GALNT17: variants seen among roughly 807,000 people sequenced by gnomAD.
The protein encoded by GALNT17 is UDP-GalNAc:polypeptide N-acetylgalactosaminyltransferase-like 3.
A neutral mutation model predicts 63.7 loss-of-function variants in GALNT17; 29 were observed. The observed-to-expected ratio is 0.46, with a 90% CI of 0.34 to 0.62. GALNT17 has a LOEUF of 0.62. GALNT17 is among the 20% of genes least tolerant of loss of function. The probability of loss-of-function intolerance (pLI) is 0.01; values close to 1 mark genes in which losing one functional copy is unlikely to be tolerated. For synonymous variants in GALNT17, 305 were observed against 318.3 expected (o/e 0.96, Z 0.45); for missense variants, 603 against 799.6 (o/e 0.75, Z 2.97).
intron 3 of GALNT17, among the ~76,000 whole-genome samples, chr7:71,393,439 A>T (rs1388627836): frequency 6.6e-6 from 1 of 152,204 alleles, no homozygotes; most frequent in Non-Finnish European, 1.5e-5. Flanking sequence ...GCAACTGCTC[A>T]TTCGCCCATG....
At chr7:71,346,537 C>T (rs1204024868) in intron 2 of GALNT17, among the ~76,000 whole-genome samples, 5 of 152,068 alleles carry the variant, frequency 3.3e-5, no homozygotes, top group Admixed American at 3.3e-4. Context: ...AAGCAACCTG[C>T]CTGAGGTCAC....
chr7:71,459,705 T>C (rs1453529419), intron 5 of GALNT17, among the ~76,000 whole-genome samples: 1 of 152,224 alleles, frequency 6.6e-6, no homozygotes, highest in Non-Finnish European at 1.5e-5. Context: ...GGGGGAAAAT[T>C]GCATCTGTAA....
At chr7:71,399,035 C>A (rs1364554660) in intron 3 of GALNT17, among the ~76,000 whole-genome samples, 2 of 151,970 alleles carry the variant, frequency 1.3e-5, no homozygotes, top group Non-Finnish European at 2.9e-5. Context: ...GCATTTGAGA[C>A]CAGCCTGGCC....
chr7:71,258,100 G>A (rs1266664728), intron 1 of GALNT17, among the ~76,000 whole-genome samples: 1 of 152,214 alleles, frequency 6.6e-6, no homozygotes, highest in Admixed American at 6.5e-5. Context: ...CTTAATGGCT[G>A]CCCTTGCACT....
intron 1 of GALNT17, among the ~76,000 whole-genome samples, chr7:71,329,559 G>A (rs1486193610): frequency 1.3e-5 from 2 of 152,032 alleles, no homozygotes; most frequent in Non-Finnish European, 2.9e-5. Context: ...TCCGCAGGCT[G>A]TACAGGAAGC....
intron 5 of GALNT17, among the ~76,000 whole-genome samples, chr7:71,430,370 G>A (rs185036955): frequency 1.7e-4 from 26 of 152,226 alleles, no homozygotes; most frequent in African/African-American, 5.5e-4. Context: ...ACTTTTGCTC[G>A]TAGCTTGAGA....
At chr7:71,615,923 A>C (rs1289331560) in intron 6 of GALNT17, among the ~76,000 whole-genome samples, 2 of 152,122 alleles carry the variant, frequency 1.3e-5, no homozygotes. Flanking sequence ...ATAGCAGGGG[A>C]GGAGGTGTCG....
In GALNT17 at chr7:71,404,489, C is replaced by G. The variant is rs1422431377; in HGVS notation, c.590-11400C>G. Among the ~76,000 whole-genome samples the G allele has an allele frequency of 1.3e-5, 2 of 152,174 alleles. 1 individual carries two copies. On this transcript the variant is annotated intron_variant, in intron 3 of 10. Transcript: ENST00000333538. ...CTCTTGCCTCATTTTTGCTCCAGCCCATAGTCAGCAAGTGCATTATTTAAG... is the reference window on the plus strand; with the variant it reads ...CTCTTGCCTCATTTTTGCTCCAGCCGATAGTCAGCAAGTGCATTATTTAAG...
chr7:71,246,239 A>G (rs1790094980), intron 1 of GALNT17, among the ~76,000 whole-genome samples: 1 of 147,590 alleles, frequency 6.8e-6, no homozygotes, highest in Non-Finnish European at 1.5e-5. Context: ...CTCCTGCATC[A>G]GCCTCCTAAG....
At chr7:71,548,294 TTTC>T (rs1341291299) in intron 5 of GALNT17, among the ~76,000 whole-genome samples, 2 of 152,016 alleles carry the variant, frequency 1.3e-5, no homozygotes, top group East Asian at 3.9e-4. Context: ...ATCTCTTTGT[TTTC>T]TTGAGTGGTT....
intron 1 of GALNT17, among the ~76,000 whole-genome samples, chr7:71,267,994 G>T (rs1477175891): frequency 6.6e-6 from 1 of 152,050 alleles, no homozygotes; most frequent in Admixed American, 6.6e-5. Context: ...TGGGAATTCT[G>T]GTTTATGTCC....
intron 9 of GALNT17, among the ~76,000 whole-genome samples, chr7:71,700,894 A>G (rs1791621466): frequency 6.6e-6 from 1 of 152,214 alleles, no homozygotes; most frequent in South Asian, 2.1e-4. Flanking sequence ...GAAAGCAAGC[A>G]CTGTGTCATT....
chr7:71,529,523 A>G (rs550619201), intron 5 of GALNT17, among the ~76,000 whole-genome samples: 13 of 152,360 alleles, frequency 8.5e-5, no homozygotes, highest in African/African-American at 2.6e-4. Flanking sequence ...TTTATAAAGT[A>G]GATATATAAA....
intron 8 of GALNT17, 85 bp downstream of exon 8, chr7:71,670,194 A>T (rs1791048055): frequency 5.1e-6 from 8 of 1,558,876 alleles, no homozygotes; most frequent in East Asian, 2.3e-5. Context: ...AGAGTTGCTC[A>T]TTCATTCATT....
intron 5 of GALNT17, among the ~76,000 whole-genome samples, chr7:71,552,321 A>T (rs1789094259): frequency 2.0e-5 from 3 of 152,114 alleles, no homozygotes; most frequent in African/African-American, 7.2e-5. Flanking sequence ...CTAGGATTAC[A>T]GGCGTGAGCT....
rs571234414 is a variant in GALNT17 at position 71,139,113 on chromosome 7, G to A, written c.238+6073G>A. Among the ~76,000 whole-genome samples the A allele has an allele frequency of 4.6e-5, 7 of 152,276 alleles. No homozygotes were observed. In the East Asian group the frequency reaches 1.4e-3, roughly 29 times the overall value. ...GAAGTTACTTATTTCTCTCATTTTA[G>A]AGGTGAGAAAGGTGAGAAACAGAGA... On this transcript the variant is annotated intron_variant, in intron 1 of 10. Coordinates refer to ENST00000333538, the MANE Select transcript of GALNT17 (RefSeq NM_022479.3).
intron 6 of GALNT17, among the ~76,000 whole-genome samples, chr7:71,573,863 G>T (rs944637356): frequency 1.3e-5 from 2 of 152,088 alleles, no homozygotes; most frequent in Non-Finnish European, 2.9e-5. Context: ...AGTGTCTGTG[G>T]TTCCCTTCTT....
chr7:71,578,540 C>G (rs1427877910), intron 6 of GALNT17, among the ~76,000 whole-genome samples: 1 of 151,554 alleles, frequency 6.6e-6, no homozygotes. Context: ...GGGGGTCTCA[C>G]TATGTTGCCC....
chr7:71,402,437 G>C (rs1195454921), intron 3 of GALNT17, among the ~76,000 whole-genome samples: 1 of 152,240 alleles, frequency 6.6e-6, no homozygotes, highest in Non-Finnish European at 1.5e-5. Context: ...CACATGTGCA[G>C]AGATTTTTTT....
Sources: gnomAD v4.1 joint callset for allele counts (sites outside exome capture counted in the v4.1 genomes callset) on GRCh38, gnomAD v4.1.1 for gene constraint, MANE v1.5 for transcripts, NCBI Gene and HGNC (gene_info 2026-07-23, HGNC 2026-07-21) for gene names.